SVIL: variants seen among roughly 807,000 people sequenced by gnomAD.
SVIL encodes the protein supervillin, also known as archvillin.
Under a neutral mutation model 240.4 loss-of-function variants are expected in SVIL, and 101 were observed. That is an observed-to-expected ratio of 0.42 (90% CI 0.36 to 0.50). SVIL has a LOEUF of 0.50. Ranked by LOEUF, SVIL falls within the 20% of genes least tolerant of loss-of-function variation. SVIL has a pLI of 0.01. For missense variants in SVIL, 2,512 were observed against 2,818.7 expected (o/e 0.89, Z 2.46); for synonymous variants, 999 against 1,100.0 (o/e 0.91, Z 1.82).
chr10:29,556,386 CATTTT>C (rs1953938845), intron 3 of SVIL, among the ~76,000 whole-genome samples: 1 of 152,082 alleles, frequency 6.6e-6, no homozygotes, highest in African/African-American at 2.4e-5. Context: ...CTTCAATTTC[CATTTT>C]CTTTTCTCTA....
chr10:29,622,370 CTCT>C (rs1374061769), intron 1 of SVIL, among the ~76,000 whole-genome samples: 5 of 151,148 alleles, frequency 3.3e-5, no homozygotes, highest in African/African-American at 4.9e-5. Flanking sequence ...AGCGCACCAT[CTCT>C]TCTTATGATC....
intron 1 of SVIL, among the ~76,000 whole-genome samples, chr10:29,714,781 G>A (rs1963514641): frequency 1.3e-5 from 2 of 151,672 alleles, no homozygotes; most frequent in South Asian, 2.1e-4. Context: ...GGAACATGGT[G>A]AGAGCCCATC....
At chr10:29,581,540 A>G (rs907874119) in intron 1 of SVIL, among the ~76,000 whole-genome samples, 1 of 152,186 alleles carries the variant, frequency 6.6e-6, no homozygotes, top group African/African-American at 2.4e-5. Context: ...AGTCACAGCT[A>G]TTTTTTCTTT....
intron 3 of SVIL, among the ~76,000 whole-genome samples, chr10:29,651,276 C>G (rs1398136009): frequency 6.6e-6 from 1 of 152,128 alleles, no homozygotes; most frequent in African/African-American, 2.4e-5. Context: ...AGGTAAAGAT[C>G]CAAGAGCAAT....
intron 3 of SVIL, among the ~76,000 whole-genome samples, chr10:29,561,875 C>G (rs1412468569): frequency 6.6e-6 from 1 of 152,118 alleles, no homozygotes; most frequent in African/African-American, 2.4e-5. Context: ...ACCTGTATTC[C>G]GGCTGACAGC....
rs537504022 is a variant in SVIL, at chr10:29,476,035, A to G, written c.5378-2046T>C. ...TTGACTAAGCACAGTCTTTTGTACC[A>G]TCCACTGTGGATCTCAACTGGTTAA... On this transcript the variant is annotated intron_variant, in intron 29 of 37. Transcript: ENST00000355867. Among the ~76,000 whole-genome samples the G allele has an allele frequency of 3.3e-5, 5 of 152,336 alleles. No individual in the cohort carries two copies. In the South Asian group the frequency reaches 1.0e-3, roughly 32 times the overall value.
chr10:29,640,589 C>T (rs1016179182), intron 3 of SVIL, among the ~76,000 whole-genome samples: 2 of 152,154 alleles, frequency 1.3e-5, no homozygotes, highest in African/African-American at 2.4e-5. Context: ...AAGCTACACC[C>T]GTCATCTCCC....
chr10:29,596,289 A>G (rs1241109176), intron 1 of SVIL, among the ~76,000 whole-genome samples: 4 of 152,156 alleles, frequency 2.6e-5, no homozygotes, highest in African/African-American at 7.2e-5. Flanking sequence ...TAAGCAAGAT[A>G]GTGAGACCCC....
chr10:29,481,555 C>T (rs777198244), intron 28 of SVIL, 29 bp downstream of exon 28: 12 of 1,611,944 alleles, frequency 7.4e-6, no homozygotes, highest in South Asian at 6.6e-5. Context: ...AACCAAGCCC[C>T]GAGTTTTGAG....
chr10:29,693,060 G>A (rs572822922), intron 1 of SVIL, among the ~76,000 whole-genome samples: 184 of 152,212 alleles, frequency 1.2e-3, no homozygotes, highest in Non-Finnish European at 2.2e-3. Flanking sequence ...GCAACCTCAG[G>A]CATAAATGGG....
intron 2 of SVIL, among the ~76,000 whole-genome samples, chr10:29,659,044 C>T (rs780536489): frequency 2.0e-5 from 3 of 152,216 alleles, no homozygotes; most frequent in South Asian, 2.1e-4. Context: ...GGGGAAACCC[C>T]ACCTATGCTA....
chr10:29,704,943 C>G (rs539095928), intron 1 of SVIL, among the ~76,000 whole-genome samples: 1 of 152,126 alleles, frequency 6.6e-6, no homozygotes, highest in African/African-American at 2.4e-5. Flanking sequence ...AATTACTTCT[C>G]GCTTATGTAA....
At chr10:29,567,189 T>C (rs1447955228) in intron 2 of SVIL, among the ~76,000 whole-genome samples, 1 of 152,150 alleles carries the variant, frequency 6.6e-6, no homozygotes, top group Non-Finnish European at 1.5e-5. Flanking sequence ...CTTTTAAACG[T>C]GTCCCGTTAA....
In SVIL at chr10:29,458,099, A is replaced by G. The variant is rs1943762703; in HGVS notation, c.*148T>C. 8.0e-6 allele frequency: 6 copies of G among 754,646 alleles called. No individual in the cohort carries two copies. The highest frequency in any genetic ancestry group is 1.1e-5 in the Non-Finnish European group (5 of 469,396). 46.7% of individuals were successfully genotyped at this position (754,646 alleles called of 1,614,324 possible). On this transcript the variant is annotated 3_prime_UTR_variant, in exon 38 of 38. Coordinates refer to ENST00000355867, the MANE Select transcript of SVIL (RefSeq NM_021738.3). ...CATTTACAAAATACACAACTCCGGG[A>G]CAAGCAGTATCTTTAACAATGTCAG...
intron 1 of SVIL, among the ~76,000 whole-genome samples, chr10:29,733,200 CATT>C (rs1564372472): frequency 6.6e-6 from 1 of 152,214 alleles, no homozygotes; most frequent in East Asian, 1.9e-4. Flanking sequence ...TAAACATCAT[CATT>C]ATTAGTTAAC....
intron 2 of SVIL, among the ~76,000 whole-genome samples, chr10:29,669,841 G>A (rs1371890075): frequency 1.3e-5 from 2 of 152,218 alleles, no homozygotes; most frequent in East Asian, 1.9e-4. Context: ...GTTGCCGGCT[G>A]TGGTGGCAAC....
chr10:29,474,889 G>A (rs987641894), intron 29 of SVIL, among the ~76,000 whole-genome samples: 1 of 152,224 alleles, frequency 6.6e-6, no homozygotes, highest in Admixed American at 6.5e-5. Context: ...TATCACTTGA[G>A]CATAAACTAA....
At chr10:29,556,816 C>T (rs974034475) in intron 3 of SVIL, among the ~76,000 whole-genome samples, 4 of 152,168 alleles carry the variant, frequency 2.6e-5, no homozygotes, top group Non-Finnish European at 4.4e-5. Flanking sequence ...GGTGATACAA[C>T]TTTAATGGCT....
chr10:29,512,627 G>A (rs946415630), intron 17 of SVIL, 108 bp downstream of exon 17: 10 of 1,588,640 alleles, frequency 6.3e-6, no homozygotes, highest in South Asian at 1.1e-5. Context: ...GGGCAAAAAT[G>A]CACAAATGCT....
Sources: gnomAD v4.1 joint callset for allele counts (sites outside exome capture counted in the v4.1 genomes callset) on GRCh38, gnomAD v4.1.1 for gene constraint, MANE v1.5 for transcripts, NCBI Gene and HGNC (gene_info 2026-07-23, HGNC 2026-07-21) for gene names.